Variants in CFAP65 observed in about 807,000 individuals in gnomAD.
CFAP65 encodes the protein cilia and flagella associated protein 65, also known as cilia- and flagella-associated protein 65.
Under a neutral mutation model 208.0 loss-of-function variants are expected in CFAP65, and 155 were observed. The observed-to-expected ratio is 0.75, with a 90% CI of 0.65 to 0.85. The LOEUF is 0.85. Ranked by LOEUF, CFAP65 falls within the 40% of genes least tolerant of loss-of-function variation. The pLI is 0.00. For synonymous variants in CFAP65, 970 were observed against 986.3 expected, an observed-to-expected ratio of 0.98 and a Z score of 0.31; for missense variants, 2,294 against 2,451.3, an observed-to-expected ratio of 0.94 and a Z score of 1.36.
At chr2:219,016,289 CTTTTTTTT>C (rs5838714) in intron 21 of CFAP65, among the ~76,000 whole-genome samples, 1 of 85,554 alleles carries the variant, frequency 1.2e-5, no homozygotes, top group African/African-American at 6.0e-5. Context: ...AGTCTCCCTC[CTTTTTTTT>C]TTTTTTTTTT....
intron 21 of CFAP65, chr2:219,018,658 C>T (rs1169781130): frequency 2.2e-5 from 5 of 229,180 alleles, no homozygotes; most frequent in Non-Finnish European, 4.4e-5. Flanking sequence ...CTTAACCTTG[C>T]TGACCCTCAG....
chr2:219,026,954 A>G, intron 13 of CFAP65: 1 of 986,790 alleles, frequency 1.0e-6, no homozygotes, highest in Non-Finnish European at 1.2e-6. Context: ...TTTAGAGATG[A>G]AAAGATCAGG....
chr2:219,019,261 C>A lies in CFAP65; in HGVS notation c.3474-82G>T. 3 of 1,492,358 alleles carry A rather than the reference C, an allele frequency of 2.0e-6. No homozygotes were observed. In the African/African-American group the frequency reaches 4.2e-5, roughly 21 times the overall value. 92.4% of individuals were successfully genotyped at this position (1,492,358 alleles called of 1,614,324 possible). Reference sequence around the variant, plus strand: ...CCCAGGGATGGCTGGCTTGGGCACTCCCCTCCCTCCAAGTGGGAACTGGAG... The same window carrying A: ...CCCAGGGATGGCTGGCTTGGGCACTACCCTCCCTCCAAGTGGGAACTGGAG... On this transcript the variant is annotated intron_variant, in intron 20 of 34. Coordinates refer to ENST00000341552, the MANE Select transcript of CFAP65 (RefSeq NM_194302.4).
chr2:219,015,580 A>G (rs538609481), intron 21 of CFAP65: 1 of 152,396 alleles, frequency 6.6e-6, no homozygotes, highest in Non-Finnish European at 1.5e-5. Context: ...AGACTCAAAC[A>G]TAGGTGGGTG....
chr2:219,009,513 G>A (rs1301860565), intron 27 of CFAP65, 53 bp from the exon 28 acceptor site: 2 of 1,225,218 alleles, frequency 1.6e-6, no homozygotes, highest in African/African-American at 1.5e-5. Flanking sequence ...GAATTGGATA[G>A]GATGGCACGG....
chr2:219,015,012 C>G (rs1383227694), intron 21 of CFAP65: 1 of 150,318 alleles, frequency 6.7e-6, no homozygotes, highest in Non-Finnish European at 1.5e-5. Flanking sequence ...CAACACACAC[C>G]TGAGAGAAAG....
At position 219,009,463 on chromosome 2, in the gene CFAP65, G is replaced by T. The variant is rs1181132156; in HGVS notation, c.4453-3C>A. 6 of 1,598,224 alleles carry T rather than the reference G, an allele frequency of 3.8e-6. No homozygotes were observed. The Admixed American group carries it at 8.3e-5, about 22-fold the overall frequency. On this transcript the variant is annotated splice_polypyrimidine_tract_variant and splice_region_variant and intron_variant, in intron 27 of 34. Transcript: ENST00000341552. ...CCTATCATGGGACTCACAGACACCT[G>T]TTGATTTGGGGAAGGAGTCTCTGGA... is the stretch of plus-strand genomic sequence containing the variant.
At position 219,010,705 on chromosome 2, in the gene CFAP65, C is replaced by T. The variant is rs1235033845; in HGVS notation, c.4150-1G>A. On this transcript the variant is annotated splice_acceptor_variant, in intron 25 of 34. Transcript: ENST00000341552. LOFTEE classifies it high-confidence loss of function. ...CCAGGATGTGTATGGGCACGTCCAC[C>T]TGGGGAGTTAGGAGGGTGGGGGTAG... 4 of 1,604,106 alleles carry T rather than the reference C, an allele frequency of 2.5e-6. No homozygotes were observed. Among genetic ancestry groups the T allele is most frequent in the Non-Finnish European group, 1.7e-6 (2 of 1,175,260 alleles).
chr2:219,022,748 G>A (rs1167162698), intron 16 of CFAP65, among the ~76,000 whole-genome samples: 1 of 152,142 alleles, frequency 6.6e-6, no homozygotes, highest in African/African-American at 2.4e-5. Flanking sequence ...CCAACCCGTC[G>A]GTAAGGTTCT....
chr2:219,026,016 G>T lies in CFAP65; in HGVS notation c.2349+6C>A, dbSNP rs377711344. 1 of 1,613,028 alleles carries T rather than the reference G, an allele frequency of 6.2e-7. No homozygotes were observed. Among genetic ancestry groups the T allele is most frequent in the East Asian group, 2.2e-5 (1 of 44,844 alleles). On this transcript the variant is annotated splice_donor_region_variant and intron_variant, in intron 14 of 34. Transcript: ENST00000341552. ...TCCCTCCCACTGCTGTTGGGGCCAC[G>T]CTTACCTTGGGGACATCTAGGGAAT...
chr2:219,030,850 G>A lies in CFAP65; in HGVS notation c.1016-16C>T, dbSNP rs1040279835. ...GCGCACTTGGCTGGGGCAGAGATGGGGGAGTCTTGGGGGAACCCACCAGGG... is the reference window on the plus strand; with the variant it reads ...GCGCACTTGGCTGGGGCAGAGATGGAGGAGTCTTGGGGGAACCCACCAGGG... On this transcript the variant is annotated splice_polypyrimidine_tract_variant and intron_variant, in intron 8 of 34. Transcript: ENST00000341552. 2.5e-6 allele frequency: 4 copies of A among 1,609,462 alleles called. No homozygotes were observed. Among genetic ancestry groups the A allele is most frequent in the Non-Finnish European group, 3.4e-6 (4 of 1,177,240 alleles).
intron 29 of CFAP65, among the ~76,000 whole-genome samples, chr2:219,007,786 A>G (rs952237027): frequency 6.7e-6 from 1 of 148,530 alleles, no homozygotes; most frequent in African/African-American, 2.5e-5. Flanking sequence ...CAGATATCTC[A>G]CTCACATTAA....
At chr2:219,039,473 C>T (rs972947458) in intron 2 of CFAP65, among the ~76,000 whole-genome samples, 2 of 152,198 alleles carry the variant, frequency 1.3e-5, no homozygotes, top group Admixed American at 6.5e-5. Flanking sequence ...CCTATAATGA[C>T]TTACCTCAAA....
rs866148472 is a variant in CFAP65, at chr2:219,030,777, G to C, written c.1073C>G (p.Ala358Gly). The C allele has an allele frequency of 2.1e-5, 34 of 1,614,180 alleles. No homozygotes were observed. The highest frequency in any genetic ancestry group is 2.8e-5 in the Non-Finnish European group (33 of 1,180,024). ...GTACAACAGCTTCTGGAAGCCCTCG[G>C]CATCCTGGTCCTCCGGGCACTTGTG... ...IKHKCPEDQD[A>G]EGFQKLLYFG... The change falls in exon 9 of 35, where the codon GCC becomes GGC. Residue 358 changes from alanine to glycine, a missense_variant. Physicochemically the swap from Ala to Gly is moderately conservative, Grantham distance 60. This residue lies in a region of CFAP65 where 867 missense variants were observed against 1,012.6 expected (regional missense o/e 0.86). Transcript: ENST00000341552.
At chr2:219,026,237 G>T in intron 13 of CFAP65, 78 bp from the exon 14 acceptor site, 1 of 1,488,076 alleles carries the variant, frequency 6.7e-7, no homozygotes, top group Non-Finnish European at 9.2e-7. Context: ...GCCCCTCCTT[G>T]CCCTTGTGCT....
rs760209951 is a variant in CFAP65 at position 219,032,242 on chromosome 2, T to C, written c.645+228A>G. Among the ~76,000 whole-genome samples, 3 of 152,216 alleles carry C rather than the reference T, an allele frequency of 2.0e-5. No individual in the cohort carries two copies. The highest frequency in any genetic ancestry group is 6.5e-5 in the Admixed American group (1 of 15,284). On this transcript the variant is annotated intron_variant, in intron 6 of 34. Transcript: ENST00000341552. This position sits in a 1 kb window ranked among gnomAD's most constrained non-coding sequence, Gnocchi z 5.5. ...GGCCACGGAATGTAGGACTTTCTGA[T>C]GGCCAATATAATATCGCAGCCTTTA...
chr2:219,030,568 T>G, intron 9 of CFAP65, 121 bp downstream of exon 9: 1 of 1,328,412 alleles, frequency 7.5e-7, no homozygotes. Context: ...CTGACATGGG[T>G]TACATGAGGC....
At position 219,002,887 on chromosome 2, in the gene CFAP65, G is replaced by A. The variant is rs1453064909; in HGVS notation, c.*50C>T. On this transcript the variant is annotated 3_prime_UTR_variant, in exon 35 of 35. Coordinates refer to ENST00000341552, the MANE Select transcript of CFAP65 (RefSeq NM_194302.4). This position sits in a 1 kb window ranked among gnomAD's most constrained non-coding sequence, Gnocchi z 7.9. ...GATGCTTTTACTGGCGGTGGAGAGG[G>A]GGCCAGGCGTGACCCCTAGCGGCAT... The A allele has an allele frequency of 2.7e-6, 4 of 1,458,606 alleles. No homozygotes were observed. Among genetic ancestry groups the A allele is most frequent in the South Asian group, 1.2e-5 (1 of 82,312 alleles). 90.4% of individuals were successfully genotyped at this position (1,458,606 alleles called of 1,614,324 possible).
chr2:219,035,795 G>A lies in CFAP65; in HGVS notation c.358-131C>T. The A allele has an allele frequency of 2.8e-6, 4 of 1,444,062 alleles. No homozygotes were observed. The South Asian group carries it at 5.9e-5, about 21-fold the overall frequency. 89.5% of individuals were successfully genotyped at this position (1,444,062 alleles called of 1,614,324 possible). A position where few individuals can be genotyped will look rare whatever the true frequency, so the allele number is the denominator to read the frequency against. ...AATAAAAGACAAGAAGAAAAACGAT[G>A]ATTGACACCACCCCTCACCCCTTGG... is the stretch of plus-strand genomic sequence containing the variant. On this transcript the variant is annotated intron_variant, in intron 4 of 34. Transcript: ENST00000341552.
Sources: allele counts gnomAD v4.1 joint callset (sites outside exome capture counted in the v4.1 genomes callset), GRCh38; gene constraint gnomAD v4.1.1; regional missense constraint gnomAD v4.1.1; non-coding constraint Gnocchi (gnomAD v3.1); transcripts MANE v1.5; gene names NCBI Gene and HGNC (gene_info 2026-07-23, HGNC 2026-07-21).